IFT172: variants seen among roughly 807,000 people sequenced by gnomAD.
IFT172 encodes the protein intraflagellar transport protein 172 homolog.
A neutral mutation model predicts 248.9 loss-of-function variants in IFT172; 164 were observed. The observed-to-expected ratio is 0.66, with a 90% CI of 0.58 to 0.75. The LOEUF is 0.75. Ranked by LOEUF, IFT172 falls within the 30% of genes least tolerant of loss-of-function variation. IFT172 has a pLI of 0.00. For synonymous variants in IFT172, 729 were observed against 791.6 expected, an observed-to-expected ratio of 0.92 and a Z score of 1.33; for missense variants, 1,950 against 2,192.4, an observed-to-expected ratio of 0.89 and a Z score of 2.21.
At chr2:27,451,162 ACCAGATTT>A (rs1665640593) in intron 35 of IFT172, among the ~76,000 whole-genome samples, 1 of 152,132 alleles carries the variant, frequency 6.6e-6, no homozygotes, top group Non-Finnish European at 1.5e-5. Flanking sequence ...TGACATCCTT[ACCAGATTT>A]CAATTTCCAC....
At chr2:27,452,655 T>G (rs1212411151) in intron 35 of IFT172, among the ~76,000 whole-genome samples, 1 of 152,218 alleles carries the variant, frequency 6.6e-6, no homozygotes, top group Admixed American at 6.5e-5. Flanking sequence ...CTGTACTGAC[T>G]ACCTATAGGC....
chr2:27,469,136 G>C (rs947750374), intron 16 of IFT172, among the ~76,000 whole-genome samples: 1 of 152,174 alleles, frequency 6.6e-6, no homozygotes, highest in African/African-American at 2.4e-5. Context: ...GCTCATGTCT[G>C]TAATCCCAGC....
intron 27 of IFT172, 54 bp from the exon 28 acceptor site, chr2:27,458,030 C>T (rs1666311104): frequency 6.2e-7 from 1 of 1,613,454 alleles, no homozygotes; most frequent in African/African-American, 1.3e-5. Flanking sequence ...GCTATCACTG[C>T]CTTCTGGGCA....
In IFT172 at chr2:27,450,026, T is replaced by TG. The variant is rs750102380; in HGVS notation, c.4021dup (p.Gln1341ProfsTer32). 2 of 1,614,074 alleles carry TG rather than the reference T, an allele frequency of 1.2e-6. No homozygotes were observed. Among genetic ancestry groups the TG allele is most frequent in the African/African-American group, 2.7e-5 (2 of 75,032 alleles). On this transcript the variant is annotated frameshift_variant, in exon 36 of 48. Transcript: ENST00000260570. LOFTEE classifies it high-confidence loss of function. ...ACTGTGCTTTCCAATTCCAATCAGC[T>TG]GGGGTCCTACAGCCAGAACGACTTC...
At chr2:27,464,890 T>C (rs1363662522) in intron 18 of IFT172, among the ~76,000 whole-genome samples, 1 of 151,748 alleles carries the variant, frequency 6.6e-6, no homozygotes. Flanking sequence ...AGTGCTAGGA[T>C]TACAGGCATG....
At chr2:27,464,175 G>C (rs1458573041) in intron 18 of IFT172, among the ~76,000 whole-genome samples, 2 of 152,170 alleles carry the variant, frequency 1.3e-5, no homozygotes, top group East Asian at 3.9e-4. Context: ...AGAGTCCTTA[G>C]GACTTACTGA....
At chr2:27,485,176 A>T in intron 2 of IFT172, 46 bp from the exon 3 acceptor site, 1 of 1,449,460 alleles carries the variant, frequency 6.9e-7, no homozygotes, top group Non-Finnish European at 9.5e-7. Flanking sequence ...AGTAATGAGT[A>T]CACATGAAAG....
chr2:27,454,317 G>A lies in IFT172; in HGVS notation c.3530+37C>T. 6.2e-7 allele frequency: 1 copy of A among 1,612,620 alleles called. No individual in the cohort carries two copies. Among genetic ancestry groups the A allele is most frequent in the Non-Finnish European group, 8.5e-7 (1 of 1,178,654 alleles). ...CATGAAAGATCCTGGGACGGTGACTGGGGAAACAGTATTAAGGAATGTATG... is the reference window on the plus strand; with the variant it reads ...CATGAAAGATCCTGGGACGGTGACTAGGGAAACAGTATTAAGGAATGTATG... On this transcript the variant is annotated intron_variant, in intron 32 of 47. Coordinates refer to ENST00000260570, the MANE Select transcript of IFT172 (RefSeq NM_015662.3). This position sits in a 1 kb window ranked among gnomAD's most constrained non-coding sequence, Gnocchi z 4.2.
chr2:27,480,370 A>G (rs1046536075), intron 8 of IFT172, among the ~76,000 whole-genome samples: 2 of 152,212 alleles, frequency 1.3e-5, no homozygotes, highest in Admixed American at 6.5e-5. Flanking sequence ...AGGGGAGCAG[A>G]GAAAACAAAA....
At chr2:27,488,469 A>C (rs1350300414) in intron 1 of IFT172, among the ~76,000 whole-genome samples, 2 of 152,040 alleles carry the variant, frequency 1.3e-5, no homozygotes, top group Middle Eastern at 3.2e-3. Flanking sequence ...TTTTTTGTAG[A>C]GGTCTTGGAA....
At chr2:27,480,270 A>C in intron 8 of IFT172, 121 bp from the exon 9 acceptor site, 1 of 1,378,942 alleles carries the variant, frequency 7.3e-7, no homozygotes, top group Non-Finnish European at 9.5e-7. Context: ...AAAAGAACAG[A>C]CAAGCTAGGC....
Position 27,483,941 on chromosome 2 carries a change from C to A in IFT172, c.337-4G>T. ...ATTGCAGACAAGTGACAGCACTCTG[C>A]GTGGAAGGAAACAATGAAAAGGATA... On this transcript the variant is annotated splice_polypyrimidine_tract_variant and splice_region_variant and intron_variant, in intron 4 of 47. Transcript: ENST00000260570. 1 of 1,613,144 alleles carries A rather than the reference C, an allele frequency of 6.2e-7. No individual in the cohort carries two copies. Among genetic ancestry groups the A allele is most frequent in the Non-Finnish European group, 8.5e-7 (1 of 1,179,112 alleles).
At position 27,477,223 on chromosome 2, in the gene IFT172, A is replaced by C; in HGVS notation, c.1319T>G (p.Leu440Arg). ...GAGAATCTTGTGAGGTTACCTGATG[A>C]GGTGGGGGTTCATGAATTCAGTGCG... ...SVRTEFMNPH[L>R]ISVRINERCQ... Residue 440 changes from leucine to arginine, a missense_variant, in exon 13 of 48, where the codon CTC (leucine) becomes CGC (arginine). Leu to Arg is a moderately radical substitution (Grantham distance 102). This residue lies in a region of IFT172 where 1,166 missense variants were observed against 1,254.1 expected (regional missense o/e 0.93). Transcript: ENST00000260570. 6.2e-7 allele frequency: 1 copy of C among 1,613,040 alleles called. No homozygotes were observed. The highest frequency in any genetic ancestry group is 8.5e-7 in the Non-Finnish European group (1 of 1,179,030).
In IFT172 at chr2:27,448,997, T is replaced by C; in HGVS notation, c.4346A>G (p.Tyr1449Cys). 2.5e-6 allele frequency: 4 copies of C among 1,610,602 alleles called. No homozygotes were observed. Among genetic ancestry groups the C allele is most frequent in the African/African-American group, 2.7e-5 (2 of 74,962 alleles). ...ACCCTCCCGGATCAAGTGAGTTGCA[T>C]ACAAAGCCACATACTTGTGCAGAAT... Reference protein sequence around the residue: ...YKILHKYVALYATHLIREGSS... With the variant: ...YKILHKYVALCATHLIREGSS... Residue 1449 changes from tyrosine to cysteine, a missense_variant, in exon 40 of 48, where the codon TAT becomes TGT. By Grantham distance (194) the Tyr-to-Cys change is radical. This residue lies in a region of IFT172 where 620 missense variants were observed against 699.0 expected (regional missense o/e 0.89). Transcript: ENST00000260570.
intron 5 of IFT172, 40 bp from the exon 6 acceptor site, chr2:27,483,699 T>C (rs757959231): frequency 6.2e-6 from 10 of 1,604,090 alleles, no homozygotes; most frequent in Non-Finnish European, 8.5e-6. Context: ...GTTAGGCTAT[T>C]TTATATTTAA....
At chr2:27,476,323 T>C (rs1281467983) in intron 14 of IFT172, among the ~76,000 whole-genome samples, 1 of 152,160 alleles carries the variant, frequency 6.6e-6, no homozygotes, top group Non-Finnish European at 1.5e-5. Context: ...TAGGCTGGAG[T>C]GCAGTGGCAC....
chr2:27,449,450 TGTGA>T, intron 38 of IFT172, 45 bp downstream of exon 38: 1 of 1,611,068 alleles, frequency 6.2e-7, no homozygotes, highest in Non-Finnish European at 8.5e-7. Context: ...GAGAGAGTCT[TGTGA>T]GTCTCTCCCT....
intron 1 of IFT172, among the ~76,000 whole-genome samples, chr2:27,488,323 T>C (rs771009422): frequency 5.0e-4 from 76 of 151,970 alleles, no homozygotes; most frequent in Admixed American, 2.2e-3. Context: ...CCGGCTAATT[T>C]TTGCATTTTT....
intron 14 of IFT172, chr2:27,475,490 T>C (rs999371927): frequency 1.3e-5 from 2 of 152,176 alleles, no homozygotes; most frequent in Non-Finnish European, 2.9e-5. Flanking sequence ...TTTTAAAAAA[T>C]TGGTTTAAAG....
Sources: allele counts gnomAD v4.1 joint callset (sites outside exome capture counted in the v4.1 genomes callset), GRCh38; gene constraint gnomAD v4.1.1; regional missense constraint gnomAD v4.1.1; non-coding constraint Gnocchi (gnomAD v3.1); transcripts MANE v1.5; gene names NCBI Gene and HGNC (gene_info 2026-07-23, HGNC 2026-07-21).